CNTN4: variants seen among roughly 807,000 people sequenced by gnomAD.
CNTN4 encodes the protein contactin 4, also known as contactin-4.
A neutral mutation model predicts 122.5 loss-of-function variants in CNTN4; 77 were observed. That is an observed-to-expected ratio of 0.63 (90% confidence interval 0.52 to 0.76). The LOEUF (loss-of-function observed/expected upper bound fraction) is 0.76, where lower values mean the gene tolerates loss of function less well. Ranked by LOEUF, CNTN4 falls within the 30% of genes least tolerant of loss-of-function variation. CNTN4 has a pLI of 0.00. For missense variants in CNTN4, 1,256 were observed against 1,259.1 expected (o/e 1.00, Z 0.04); for synonymous variants, 512 against 447.0 (o/e 1.15, Z -1.83).
At chr3:2,769,505 A>C (rs1478394679) in intron 6 of CNTN4, among the ~76,000 whole-genome samples, 4 of 151,062 alleles carry the variant, frequency 2.6e-5, no homozygotes, top group Non-Finnish European at 4.4e-5. Context: ...GGCAGTGTTT[A>C]GTCAATTAAA....
intron 6 of CNTN4, among the ~76,000 whole-genome samples, chr3:2,756,672 C>T (rs983633830): frequency 2.6e-5 from 4 of 152,102 alleles, no homozygotes; most frequent in African/African-American, 9.7e-5. Context: ...AATTCAATAT[C>T]AAGTGTCCTC....
At chr3:2,894,390 T>C (rs1176643807) in intron 10 of CNTN4, among the ~76,000 whole-genome samples, 1 of 152,214 alleles carries the variant, frequency 6.6e-6, no homozygotes, top group Non-Finnish European at 1.5e-5. Flanking sequence ...TGAGAGGCTC[T>C]GGACAGAGAA....
chr3:2,340,632 A>T (rs989307437), intron 3 of CNTN4, among the ~76,000 whole-genome samples: 1 of 145,958 alleles, frequency 6.9e-6, no homozygotes, highest in Non-Finnish European at 1.5e-5. Context: ...ACGAGTTGTT[A>T]TTGCACCACT....
At chr3:2,436,839 A>C (rs959105708) in intron 3 of CNTN4, among the ~76,000 whole-genome samples, 13 of 149,904 alleles carry the variant, frequency 8.7e-5, no homozygotes, top group Admixed American at 2.0e-4. Context: ...TTCTTCAAAT[A>C]TATATGAAAT....
intron 2 of CNTN4, among the ~76,000 whole-genome samples, chr3:2,197,132 T>C (rs2037879659): frequency 6.6e-6 from 1 of 152,094 alleles, no homozygotes; most frequent in Admixed American, 6.6e-5. Context: ...AGAAACTTTC[T>C]TGAAGTTATA....
chr3:2,100,022 T>C (rs2125072635), intron 1 of CNTN4, among the ~76,000 whole-genome samples: 1 of 152,248 alleles, frequency 6.6e-6, no homozygotes, highest in Admixed American at 6.5e-5. Context: ...GCTTCGCGCG[T>C]CGGGAAGATC....
chr3:2,127,512 C>T (rs756559951), intron 2 of CNTN4, among the ~76,000 whole-genome samples: 1 of 151,998 alleles, frequency 6.6e-6, no homozygotes. Context: ...AAACTAGTCT[C>T]TTTTCTCTAT....
At chr3:2,526,037 C>G (rs1177641902) in intron 3 of CNTN4, among the ~76,000 whole-genome samples, 3 of 152,064 alleles carry the variant, frequency 2.0e-5, no homozygotes. Flanking sequence ...CAAGACAAAA[C>G]AGAATCAAAA....
chr3:2,881,232 G>T (rs2093905875), intron 8 of CNTN4, among the ~76,000 whole-genome samples: 2 of 152,188 alleles, frequency 1.3e-5, no homozygotes, highest in Non-Finnish European at 2.9e-5. Context: ...GGTCACCTCG[G>T]TGGGGTGCGG....
At chr3:2,298,520 C>T (rs1186437966) in intron 2 of CNTN4, among the ~76,000 whole-genome samples, 4 of 152,020 alleles carry the variant, frequency 2.6e-5, no homozygotes, top group East Asian at 3.9e-4. Flanking sequence ...TTCTGTCCCC[C>T]GACTCTTGCC....
chr3:2,875,236 G>A (rs1270032412), intron 8 of CNTN4, among the ~76,000 whole-genome samples: 2 of 152,104 alleles, frequency 1.3e-5, no homozygotes, highest in Non-Finnish European at 2.9e-5. Context: ...TCCAATCTCG[G>A]CCTCCCAAAC....
In CNTN4 at chr3:3,016,030, G is replaced by A. The variant is rs557705870; in HGVS notation, c.1487-10072G>A. Among the ~76,000 whole-genome samples the A allele has an allele frequency of 3.3e-5, 5 of 152,240 alleles. No homozygotes were observed. In the South Asian group the frequency reaches 1.0e-3, roughly 32 times the overall value. On this transcript the variant is annotated intron_variant, in intron 14 of 24. Coordinates refer to ENST00000418658, the MANE Select transcript of CNTN4 (RefSeq NM_175607.3). ...AGTCATAAGGGAGAGTTACTTATGT[G>A]CAGTCACTGAAATAAACAGAAAACA...
chr3:3,007,497 A>G (rs1696775192), intron 14 of CNTN4, among the ~76,000 whole-genome samples: 1 of 152,244 alleles, frequency 6.6e-6, no homozygotes, highest in Non-Finnish European at 1.5e-5. Flanking sequence ...GCCTGTGGTT[A>G]TCTATAATAT....
chr3:2,297,308 A>G (rs929764633), intron 2 of CNTN4, among the ~76,000 whole-genome samples: 3 of 152,218 alleles, frequency 2.0e-5, no homozygotes, highest in African/African-American at 7.2e-5. Context: ...TAAAATTTTC[A>G]TCAGAAGGAA....
intron 4 of CNTN4, among the ~76,000 whole-genome samples, chr3:2,703,451 A>G (rs934631731): frequency 6.6e-6 from 1 of 152,194 alleles, no homozygotes; most frequent in Non-Finnish European, 1.5e-5. Flanking sequence ...GGAGGGTATA[A>G]TTATTATTCT....
intron 2 of CNTN4, among the ~76,000 whole-genome samples, chr3:2,188,363 A>G (rs2037371391): frequency 6.6e-6 from 1 of 152,098 alleles, no homozygotes; most frequent in Admixed American, 6.6e-5. Context: ...GCCGTGTCCA[A>G]GTTGCTTCCT....
intron 2 of CNTN4, among the ~76,000 whole-genome samples, chr3:2,192,353 A>C (rs1369860842): frequency 6.6e-6 from 1 of 152,050 alleles, no homozygotes; most frequent in African/African-American, 2.4e-5. Flanking sequence ...CCAACAGTGT[A>C]AAAGTGTTCC....
chr3:2,711,991 G>T (rs762377749), intron 4 of CNTN4, among the ~76,000 whole-genome samples: 2 of 152,006 alleles, frequency 1.3e-5, no homozygotes, highest in Non-Finnish European at 2.9e-5. Flanking sequence ...GTTATTTATG[G>T]GATAGTTTAT....
chr3:2,265,312 A>C (rs981755625), intron 2 of CNTN4, among the ~76,000 whole-genome samples: 4 of 152,100 alleles, frequency 2.6e-5, no homozygotes, highest in African/African-American at 9.7e-5. Flanking sequence ...TTGTATCAGC[A>C]CCATTTTTAA....
Sources: allele counts gnomAD v4.1 joint callset (sites outside exome capture counted in the v4.1 genomes callset), GRCh38; gene constraint gnomAD v4.1.1; transcripts MANE v1.5; gene names NCBI Gene and HGNC (gene_info 2026-07-23, HGNC 2026-07-21).